The following OTUD7A variants were observed in gnomAD, a reference collection of about 807,000 sequenced individuals.
OTUD7A encodes OTU domain-containing protein 7A.
OTUD7A carries 12 observed loss-of-function variants against 65.7 expected under a neutral mutation model. That is an observed-to-expected ratio of 0.18 (90% CI 0.12 to 0.30). The LOEUF (loss-of-function observed/expected upper bound fraction) is 0.30, where lower values mean the gene tolerates loss of function less well. Among genes scored for constraint, OTUD7A ranks in the 10% least tolerant of loss-of-function variants. OTUD7A has a pLI of 1.00. For synonymous variants in OTUD7A, 641 were observed against 586.3 expected, an observed-to-expected ratio of 1.09 and a Z score of -1.35; for missense variants, 1,148 against 1,304.8, an observed-to-expected ratio of 0.88 and a Z score of 1.85.
At chr15:31,562,715 A>C (rs1011734485) in intron 4 of OTUD7A, among the ~76,000 whole-genome samples, 2 of 152,226 alleles carry the variant, frequency 1.3e-5, no homozygotes, top group Non-Finnish European at 2.9e-5. Context: ...CTTTTCCTAA[A>C]GGGTGAGACA....
intron 3 of OTUD7A, among the ~76,000 whole-genome samples, chr15:31,580,224 G>T (rs1346230743): frequency 6.6e-6 from 1 of 152,106 alleles, no homozygotes; most frequent in Non-Finnish European, 1.5e-5. Flanking sequence ...ATGAAGTGGA[G>T]GGCAGCAGGA....
At chr15:31,612,974 A>G (rs745504828) in intron 3 of OTUD7A, among the ~76,000 whole-genome samples, 1 of 152,142 alleles carries the variant, frequency 6.6e-6, no homozygotes, top group African/African-American at 2.4e-5. Context: ...AGAATAGAGT[A>G]CCCAGCAATA....
At chr15:31,497,639 C>G (rs1465664224) in intron 10 of OTUD7A, among the ~76,000 whole-genome samples, 2 of 152,148 alleles carry the variant, frequency 1.3e-5, no homozygotes, top group Non-Finnish European at 2.9e-5. Context: ...CCTCTTCGAC[C>G]CTGAAGGTTC....
At chr15:31,563,974 A>T (rs1178187486) in intron 4 of OTUD7A, among the ~76,000 whole-genome samples, 1 of 152,226 alleles carries the variant, frequency 6.6e-6, no homozygotes, top group East Asian at 1.9e-4. Flanking sequence ...GGAAACTGTT[A>T]AAGAAAGGCA....
At chr15:31,861,433 C>T (rs2141017137) in intron 1 of OTUD7A, among the ~76,000 whole-genome samples, 1 of 152,292 alleles carries the variant, frequency 6.6e-6, no homozygotes, top group Non-Finnish European at 1.5e-5. Flanking sequence ...GCCCCTGAAG[C>T]ACCTTTTCTG....
chr15:31,501,648 A>C (rs2041466855), intron 10 of OTUD7A, 42 bp downstream of exon 10: 1 of 1,612,932 alleles, frequency 6.2e-7, no homozygotes, highest in East Asian at 2.2e-5. Flanking sequence ...CTCTGCCCCC[A>C]CCCTAGGCTC....
At chr15:31,591,496 G>C (rs1018649618) in intron 3 of OTUD7A, among the ~76,000 whole-genome samples, 1 of 152,130 alleles carries the variant, frequency 6.6e-6, no homozygotes, top group African/African-American at 2.4e-5. Context: ...GGGCTGAGTA[G>C]AACAAAAGGC....
intron 1 of OTUD7A, among the ~76,000 whole-genome samples, chr15:31,751,873 A>T (rs1435982108): frequency 6.6e-6 from 1 of 152,170 alleles, no homozygotes; most frequent in Non-Finnish European, 1.5e-5. Flanking sequence ...GACAGGAATA[A>T]CAGATGCCAG....
rs2041197297 is a variant in OTUD7A, at chr15:31,484,286, C to G, written c.1810G>C (p.Gly604Arg). The G allele has an allele frequency of 6.3e-7, 1 of 1,594,022 alleles. No individual in the cohort carries two copies. The highest frequency in any genetic ancestry group is 1.7e-5 in the Admixed American group (1 of 58,388). Reference protein sequence around the residue: ...TTPSPTDKAAGASPAEKGGGP... With the variant: ...TTPSPTDKAARASPAEKGGGP... ...CCGCCCTTCTCCGCCGGCGACGCGC[C>G]CGCTGCCTTGTCTGTGGGCGACGGC... is the stretch of plus-strand genomic sequence containing the variant. Residue 604 changes from glycine (G) to arginine (R), a missense_variant, in exon 13 of 13, where the codon GGC (glycine) becomes CGC (arginine). By Grantham distance (125) the Gly-to-Arg change is moderately radical (BLOSUM62 -2). Transcript: ENST00000307050. This position sits in a 1 kb window ranked among gnomAD's most constrained non-coding sequence, Gnocchi z 4.5.
rs112193858 is a variant in OTUD7A, at chr15:31,509,916, ATT to A, written c.894-6100_894-6099del. The stretch of plus-strand genomic sequence containing the variant: ...TCTAGTTATTTTTTTACTTTTTTCT[ATT>A]TTTTTTTCTTATTTGCACTTTATTT... On this transcript the variant is annotated intron_variant, in intron 8 of 12. Transcript: ENST00000307050. Among the ~76,000 whole-genome samples the A allele has an allele frequency of 3.3e-5, 4 of 119,492 alleles. No individual in the cohort carries two copies. In the South Asian group the frequency reaches 1.1e-3, roughly 33 times the overall value. The allele number at this position is 119,492 out of a possible 152,430, so 78.4% of individuals were successfully genotyped here.
chr15:31,797,618 G>C (rs1199930769), intron 1 of OTUD7A, among the ~76,000 whole-genome samples: 1 of 152,196 alleles, frequency 6.6e-6, no homozygotes, highest in Non-Finnish European at 1.5e-5. Context: ...CATTCCTCAG[G>C]TGACACCTGC....
intron 8 of OTUD7A, 63 bp downstream of exon 8, chr15:31,526,286 T>A: frequency 7.0e-7 from 1 of 1,420,072 alleles, no homozygotes; most frequent in Non-Finnish European, 9.4e-7. Flanking sequence ...CCCCATGCTG[T>A]GTGTAGCCCT....
At chr15:31,553,908 C>T (rs768898675) in intron 5 of OTUD7A, among the ~76,000 whole-genome samples, 7 of 152,044 alleles carry the variant, frequency 4.6e-5, no homozygotes, top group Non-Finnish European at 1.0e-4. Context: ...TGAATCAAGA[C>T]GCGTCAGCCC....
intron 1 of OTUD7A, among the ~76,000 whole-genome samples, chr15:31,858,405 G>A (rs1260974243): frequency 6.6e-6 from 1 of 152,188 alleles, no homozygotes; most frequent in African/African-American, 2.4e-5. Flanking sequence ...GGAAATTCCA[G>A]ACAGAGAAAA....
intron 3 of OTUD7A, among the ~76,000 whole-genome samples, chr15:31,631,019 G>A (rs1414861372): frequency 3.3e-5 from 5 of 152,264 alleles, no homozygotes; most frequent in Non-Finnish European, 7.3e-5. Context: ...ACAGCACACT[G>A]ATGGGTCTTG....
chr15:31,752,229 G>A (rs1345080429), intron 1 of OTUD7A, among the ~76,000 whole-genome samples: 2 of 152,112 alleles, frequency 1.3e-5, no homozygotes, highest in Admixed American at 1.3e-4. Context: ...TTGAAAACAT[G>A]CAATGCTAAA....
At chr15:31,832,474 T>C (rs1896958012) in intron 1 of OTUD7A, among the ~76,000 whole-genome samples, 1 of 152,154 alleles carries the variant, frequency 6.6e-6, no homozygotes, top group East Asian at 1.9e-4. Flanking sequence ...AACATAAAAT[T>C]TACCATCTGC....
chr15:31,846,163 C>T (rs1031771423), intron 1 of OTUD7A, among the ~76,000 whole-genome samples: 2 of 152,242 alleles, frequency 1.3e-5, no homozygotes, highest in Admixed American at 1.3e-4. Context: ...GCTCTTATTT[C>T]CAGTTGTCTG....
rs146709189 is a variant in OTUD7A, at chr15:31,803,471, GCA to G, written c.-100+67034_-100+67035del. Among the ~76,000 whole-genome samples the G allele has an allele frequency of 8.8e-3, 1,337 of 152,232 alleles. 19 individuals are homozygous for G. The highest frequency in any genetic ancestry group is 0.031 in the African/African-American group (1,270 of 41,524). ...ATACACCACCAACACACCACTCTGT[GCA>G]CAGTGACCAAGCTGTCCAGGAAGGC... On this transcript the variant is annotated intron_variant, in intron 1 of 12. Transcript: ENST00000307050.
Sources: gnomAD v4.1 joint callset for allele counts (sites outside exome capture counted in the v4.1 genomes callset) on GRCh38, gnomAD v4.1.1 for gene constraint, Gnocchi (gnomAD v3.1) non-coding constraint, MANE v1.5 for transcripts, NCBI Gene and HGNC (gene_info 2026-07-23, HGNC 2026-07-21) for gene names.